The following ANO6 variants were observed in gnomAD, a reference collection of about 807,000 sequenced individuals.
ANO6 encodes anoctamin 6.
Under a neutral mutation model 117.5 loss-of-function variants are expected in ANO6, and 106 were observed. The ratio of observed to expected loss-of-function variants is 0.90; its 90% CI spans 0.77 to 1.06. ANO6 has a LOEUF of 1.06. Among genes scored for constraint, ANO6 ranks in the 50% least tolerant of loss-of-function variants. The pLI is 0.00. For synonymous variants in ANO6, 367 were observed against 385.1 expected (o/e 0.95, Z 0.55); for missense variants, 955 against 1,121.1 (o/e 0.85, Z 2.12).
intron 2 of ANO6, among the ~76,000 whole-genome samples, chr12:45,309,839 T>C (rs534586600): frequency 6.6e-6 from 1 of 152,188 alleles, no homozygotes; most frequent in East Asian, 1.9e-4. Flanking sequence ...TTGCCTTGTG[T>C]CTTTGGCCTT....
intron 19 of ANO6, among the ~76,000 whole-genome samples, chr12:45,439,117 G>A (rs151307396): frequency 1.2e-3 from 187 of 152,252 alleles, no homozygotes; most frequent in South Asian, 5.2e-3. Flanking sequence ...AAGTCCTGAT[G>A]GTGAGCTGTG....
At chr12:45,335,374 A>G (rs1940795155) in intron 3 of ANO6, among the ~76,000 whole-genome samples, 1 of 152,028 alleles carries the variant, frequency 6.6e-6, no homozygotes, top group Admixed American at 6.6e-5. Context: ...ATGAGACCAG[A>G]ACAGTTTTCC....
chr12:45,232,449 C>T (rs914734977), intron 1 of ANO6, among the ~76,000 whole-genome samples: 2 of 152,172 alleles, frequency 1.3e-5, no homozygotes, highest in African/African-American at 4.8e-5. Context: ...GAGAACAGAA[C>T]CTGGGCATAT....
intron 8 of ANO6, among the ~76,000 whole-genome samples, chr12:45,367,234 G>A (rs1029706745): frequency 2.6e-5 from 4 of 152,050 alleles, no homozygotes; most frequent in Admixed American, 6.6e-5. Context: ...CACCCACCTC[G>A]GCCTCCCAAA....
chr12:45,265,476 G>T (rs1367392603), intron 1 of ANO6, among the ~76,000 whole-genome samples: 2 of 152,118 alleles, frequency 1.3e-5, no homozygotes, highest in African/African-American at 4.8e-5. Flanking sequence ...GATAATGATA[G>T]CAGTTATGTC....
At chr12:45,424,575 G>T (rs989566990) in intron 19 of ANO6, among the ~76,000 whole-genome samples, 3 of 151,950 alleles carry the variant, frequency 2.0e-5, no homozygotes, top group African/African-American at 7.3e-5. Context: ...GACCTCAAGT[G>T]ATCTGCCCTC....
intron 1 of ANO6, among the ~76,000 whole-genome samples, chr12:45,267,605 G>A (rs10748414): frequency 0.94 from 143,387 of 152,048 alleles, 68,197 homozygotes; most frequent in East Asian, 1. Context: ...AGCCTGGCCA[G>A]TGTGGTGAAA....
At chr12:45,243,589 G>A (rs1419441065) in intron 1 of ANO6, among the ~76,000 whole-genome samples, 2 of 150,850 alleles carry the variant, frequency 1.3e-5, no homozygotes, top group Non-Finnish European at 2.9e-5. Context: ...TGTTCTTGTC[G>A]CCTAGGCTGG....
chr12:45,365,739 G>A (rs1941667677), intron 8 of ANO6, among the ~76,000 whole-genome samples: 1 of 152,150 alleles, frequency 6.6e-6, no homozygotes, highest in South Asian at 2.1e-4. Flanking sequence ...GAATCAGTGA[G>A]GTTAACAGGT....
At chr12:45,227,862 G>A (rs1947508931) in intron 1 of ANO6, among the ~76,000 whole-genome samples, 1 of 152,166 alleles carries the variant, frequency 6.6e-6, no homozygotes, top group Non-Finnish European at 1.5e-5. Context: ...GGTGGTTGAA[G>A]AATTGCATGT....
At chr12:45,391,221 T>G (rs1030898811) in intron 12 of ANO6, among the ~76,000 whole-genome samples, 5 of 152,210 alleles carry the variant, frequency 3.3e-5, no homozygotes, top group African/African-American at 1.2e-4. Flanking sequence ...AGGATCTGAA[T>G]GAATGATAAT....
At chr12:45,291,281 G>A (rs1351617884) in intron 1 of ANO6, among the ~76,000 whole-genome samples, 4 of 150,636 alleles carry the variant, frequency 2.7e-5, no homozygotes, top group African/African-American at 9.8e-5. Flanking sequence ...AGGAGGCGGA[G>A]GTTGCGGTGA....
intron 2 of ANO6, among the ~76,000 whole-genome samples, chr12:45,311,453 G>C (rs1391297025): frequency 6.6e-6 from 1 of 152,066 alleles, no homozygotes; most frequent in East Asian, 1.9e-4. Flanking sequence ...TTCCTGCTCA[G>C]TATTGGTAAA....
intron 1 of ANO6, among the ~76,000 whole-genome samples, chr12:45,299,344 A>T (rs917441835): frequency 6.6e-5 from 10 of 152,138 alleles, no homozygotes; most frequent in Admixed American, 5.9e-4. Flanking sequence ...CAAGCACCTT[A>T]ATTTTGGCAA....
At chr12:45,424,958 C>CA (rs966787145) in intron 19 of ANO6, among the ~76,000 whole-genome samples, 7 of 150,356 alleles carry the variant, frequency 4.7e-5, no homozygotes, top group African/African-American at 1.2e-4. Flanking sequence ...AAAAAAAAAA[C>CA]AAAAAAACGT....
At chr12:45,402,491 A>G (rs913049845) in intron 13 of ANO6, among the ~76,000 whole-genome samples, 1 of 152,156 alleles carries the variant, frequency 6.6e-6, no homozygotes, top group African/African-American at 2.4e-5. Context: ...TCTGGCTTGT[A>G]TCCCAGGCAG....
intron 1 of ANO6, among the ~76,000 whole-genome samples, chr12:45,281,273 T>C (rs1351960710): frequency 1.3e-5 from 2 of 152,266 alleles, no homozygotes; most frequent in African/African-American, 4.8e-5. Flanking sequence ...GTCCTCATGA[T>C]GCTTGTAGTC....
At chr12:45,227,143 C>T (rs1251733831) in intron 1 of ANO6, among the ~76,000 whole-genome samples, 1 of 151,964 alleles carries the variant, frequency 6.6e-6, no homozygotes. Flanking sequence ...TGCACGCCAC[C>T]ATGCCTGGCT....
At chr12:45,341,362 T>C (rs184029634) in intron 3 of ANO6, among the ~76,000 whole-genome samples, 70 of 152,312 alleles carry the variant, frequency 4.6e-4, no homozygotes, top group African/African-American at 1.4e-3. Context: ...AGCAAAAAGG[T>C]AGAAACCACC....
Sources: allele counts gnomAD v4.1 joint callset (sites outside exome capture counted in the v4.1 genomes callset), GRCh38; gene constraint gnomAD v4.1.1; transcripts MANE v1.5; gene names NCBI Gene and HGNC (gene_info 2026-07-23, HGNC 2026-07-21).